WWP2: variants seen among roughly 807,000 people sequenced by gnomAD.
WWP2 encodes the protein NEDD4-like E3 ubiquitin-protein ligase WWP2.
In WWP2, 57 loss-of-function variants were observed where a neutral mutation model predicts 121.0. The ratio of observed to expected loss-of-function variants is 0.47; its 90% confidence interval spans 0.38 to 0.59. The LOEUF is 0.59. WWP2 is among the 20% of genes least tolerant of loss of function. The pLI is 0.00. For synonymous variants in WWP2, 449 were observed against 441.3 expected (o/e 1.02, Z -0.22); for missense variants, 962 against 1,158.9 (o/e 0.83, Z 2.47).
At position 69,815,166 on chromosome 16, in the gene WWP2, C is replaced by A. The variant is rs1050599244; in HGVS notation, c.340+15871C>A. On this transcript the variant is annotated intron_variant, in intron 4 of 23. Coordinates refer to ENST00000359154, the MANE Select transcript of WWP2 (RefSeq NM_001270454.2). ...TACAGGCATGAGCCACCATGCCTGG[C>A]TAATTTTTGTATTTTTAGTAGAGAC... Among the ~76,000 whole-genome samples, 3 of 151,996 alleles carry A rather than the reference C, an allele frequency of 2.0e-5. No homozygotes were observed. In the East Asian group the frequency reaches 5.8e-4, roughly 29 times the overall value.
chr16:69,821,538 C>T (rs950458516), intron 4 of WWP2, among the ~76,000 whole-genome samples: 20 of 152,132 alleles, frequency 1.3e-4, no homozygotes, highest in Admixed American at 5.9e-4. Flanking sequence ...TGTGAGGTGT[C>T]GGCTTTGGAA....
At chr16:69,798,912 T>C in intron 3 of WWP2, 83 bp downstream of exon 3, 1 of 1,554,532 alleles carries the variant, frequency 6.4e-7, no homozygotes, top group Non-Finnish European at 8.7e-7. Context: ...GAGGTACAGA[T>C]TCCCTGTGGC....
chr16:69,905,216 C>T (rs1244120143), intron 8 of WWP2, among the ~76,000 whole-genome samples: 1 of 152,200 alleles, frequency 6.6e-6, no homozygotes, highest in Non-Finnish European at 1.5e-5. Flanking sequence ...CTTAAATAAA[C>T]TTGGTTAAAT....
rs553036364 is a variant in WWP2, at chr16:69,893,537, A to G, written c.914+5288A>G. On this transcript the variant is annotated intron_variant, in intron 8 of 23. Transcript: ENST00000359154. The stretch of plus-strand genomic sequence containing the variant: ...CTTTGGGTTCAAATATGCATCTCTC[A>G]TAGTTCAGAATGCTGTTTTTTTTGT... Among the ~76,000 whole-genome samples, 7 of 152,066 alleles carry G rather than the reference A, an allele frequency of 4.6e-5. No homozygotes were observed. In the South Asian group the frequency reaches 1.5e-3, roughly 32 times the overall value.
At chr16:69,778,658 T>C (rs754538502) in intron 1 of WWP2, among the ~76,000 whole-genome samples, 2 of 152,158 alleles carry the variant, frequency 1.3e-5, no homozygotes, top group Non-Finnish European at 2.9e-5. Context: ...GTTATTTCTC[T>C]TGAGACAGAG....
At chr16:69,792,917 C>G (rs2151803089) in intron 2 of WWP2, among the ~76,000 whole-genome samples, 1 of 152,246 alleles carries the variant, frequency 6.6e-6, no homozygotes, top group East Asian at 1.9e-4. Flanking sequence ...TCTCGAACTC[C>G]TGGGCTCAGG....
chr16:69,934,997 A>G (rs1391867072), intron 17 of WWP2, among the ~76,000 whole-genome samples: 1 of 152,088 alleles, frequency 6.6e-6, no homozygotes, highest in African/African-American at 2.4e-5. Context: ...GGGGCGTCCC[A>G]GCGTCTGTAT....
chr16:69,912,955 A>ATAT (rs2058410528), intron 9 of WWP2, among the ~76,000 whole-genome samples: 3 of 8,360 alleles, frequency 3.6e-4, no homozygotes, highest in Admixed American at 2.2e-3. Context: ...AAAAAAAAAA[A>ATAT]ATATATATAT....
intron 9 of WWP2, among the ~76,000 whole-genome samples, chr16:69,910,681 T>C (rs553511093): frequency 6.6e-6 from 1 of 152,340 alleles, no homozygotes; most frequent in Admixed American, 6.5e-5. Context: ...AGTGCTGGGA[T>C]TACAGATGTG....
At chr16:69,796,498 T>G (rs766732656) in intron 2 of WWP2, among the ~76,000 whole-genome samples, 1 of 152,248 alleles carries the variant, frequency 6.6e-6, no homozygotes, top group Non-Finnish European at 1.5e-5. Flanking sequence ...TGACTGGTGT[T>G]GCGGCTCACT....
At chr16:69,895,200 AT>A (rs750036954) in intron 8 of WWP2, 2 of 152,214 alleles carry the variant, frequency 1.3e-5, no homozygotes, top group Non-Finnish European at 2.9e-5. Context: ...AGATGTTGGA[AT>A]TTGGAGCTTC....
At chr16:69,869,349 CT>C (rs113948249) in intron 6 of WWP2, among the ~76,000 whole-genome samples, 289 of 140,834 alleles carry the variant, frequency 2.1e-3, no homozygotes, top group East Asian at 2.3e-3. Context: ...CCTTTTTCTC[CT>C]TTTTTTTTTT....
chr16:69,782,257 C>T (rs57518557), intron 1 of WWP2, among the ~76,000 whole-genome samples: 40,295 of 151,858 alleles, frequency 0.27, 5,871 homozygotes, highest in East Asian at 0.41. Flanking sequence ...CACTCCAGCC[C>T]GGGTGACAGA....
intron 6 of WWP2, among the ~76,000 whole-genome samples, chr16:69,864,987 T>G (rs774246959): frequency 6.6e-6 from 1 of 152,176 alleles, no homozygotes; most frequent in African/African-American, 2.4e-5. Flanking sequence ...CCGAAGAACT[T>G]ATGATGTTGA....
chr16:69,822,991 G>A (rs1033693442), intron 4 of WWP2, among the ~76,000 whole-genome samples: 4 of 152,192 alleles, frequency 2.6e-5, no homozygotes, highest in African/African-American at 7.2e-5. Context: ...ACAAAAATTA[G>A]CCAGGCATGG....
At chr16:69,898,194 G>A (rs1192446717) in intron 8 of WWP2, among the ~76,000 whole-genome samples, 1 of 151,524 alleles carries the variant, frequency 6.6e-6, no homozygotes, top group African/African-American at 2.4e-5. Flanking sequence ...TGCTTGGCTA[G>A]TTTTTGTTTT....
In WWP2 at chr16:69,762,372, C is replaced by T. The variant is rs2038624837; in HGVS notation, c.-35C>T. The T allele has an allele frequency of 6.6e-6, 1 of 151,294 alleles. No homozygotes were observed. Among genetic ancestry groups the T allele is most frequent in the African/African-American group, 2.4e-5 (1 of 41,184 alleles). 9.4% of individuals were successfully genotyped at this position (151,294 alleles called of 1,614,324 possible). A position where few individuals can be genotyped will look rare whatever the true frequency, so the allele number is the denominator to read the frequency against. ...CGGAAGTAGGAGAGGAGTTCGGCGC[C>T]GCTTCTGTGGCCACGGCAGGTAGCG... On this transcript the variant is annotated 5_prime_UTR_variant, in exon 1 of 24. Transcript: ENST00000359154.
chr16:69,818,915 TC>T (rs1298990310), intron 4 of WWP2, among the ~76,000 whole-genome samples: 1 of 152,162 alleles, frequency 6.6e-6, no homozygotes, highest in African/African-American at 2.4e-5. Context: ...CTAGGGCTTC[TC>T]CCCTGGCAAC....
chr16:69,791,246 G>A (rs542311148), intron 2 of WWP2, among the ~76,000 whole-genome samples: 17 of 120,912 alleles, frequency 1.4e-4, no homozygotes, highest in African/African-American at 5.7e-4. Context: ...TTTTTTTTTT[G>A]AGACGGAGTC....
Sources: allele counts gnomAD v4.1 joint callset (sites outside exome capture counted in the v4.1 genomes callset), GRCh38; gene constraint gnomAD v4.1.1; transcripts MANE v1.5; gene names NCBI Gene and HGNC (gene_info 2026-07-23, HGNC 2026-07-21).